The following GGT1 variants were observed in gnomAD, a reference collection of about 807,000 sequenced individuals.
GGT1 encodes the protein gamma-glutamyltransferase 1, also known as glutathione hydrolase 1 proenzyme.
GGT1 carries 21 observed loss-of-function variants against 56.0 expected under a neutral mutation model. The observed-to-expected ratio is 0.38, with a 90% CI of 0.27 to 0.54. The LOEUF (loss-of-function observed/expected upper bound fraction) is 0.54. GGT1 is among the 20% of genes least tolerant of loss of function. The probability of loss-of-function intolerance (pLI) is 0.82; values close to 1 mark genes in which losing one functional copy is unlikely to be tolerated. For synonymous variants in GGT1, 238 were observed against 342.6 expected (o/e 0.69, Z 3.37); for missense variants, 466 against 787.0 (o/e 0.59, Z 4.88).
rs1022879744 is a variant in GGT1 at position 24,610,493 on chromosome 22, C to G, written c.-46C>G. ...ATCCTCCTGTCTTTCGTGGCCAACA[C>G]CCCAGGCAAGGCTTGGGGCCCCCGT... On this transcript the variant is annotated 5_prime_UTR_variant, in exon 4 of 16. Coordinates refer to ENST00000400382, the MANE Select transcript of GGT1 (RefSeq NM_001288833.2). 39 of 165,362 alleles carry G rather than the reference C, an allele frequency of 2.4e-4. No individual in the cohort carries two copies. Among genetic ancestry groups the G allele is most frequent in the African/African-American group, 9.2e-4 (38 of 41,452 alleles). The allele number at this position is 165,362 out of a possible 1,614,324, so 10.2% of individuals were successfully genotyped here. A position where few individuals can be genotyped will look rare whatever the true frequency, so the allele number is the denominator to read the frequency against.
intron 4 of GGT1, among the ~76,000 whole-genome samples, 153 bp downstream of exon 4, chr22:24,610,684 C>T (rs1191990305): frequency 2.8e-5 from 4 of 144,146 alleles, no homozygotes; most frequent in Admixed American, 7.2e-5. Flanking sequence ...ACAGGAGAAA[C>T]CAGGCCAGGC....
chr22:24,623,795 G>A lies in GGT1; in HGVS notation c.899G>A (p.Arg300Gln), dbSNP rs764599344. The A allele has an allele frequency of 4.1e-5, 66 of 1,611,748 alleles. No individual in the cohort carries two copies. In the East Asian group the frequency reaches 1.2e-3, roughly 29 times the overall value. The change falls in exon 11 of 16, where the codon CGG (arginine) becomes CAG (glutamine). Residue 300 changes from arginine (R) to glutamine (Q), a missense_variant. Arg to Gln is a conservative substitution (Grantham distance 43). Around this residue, in one of 2 missense-constraint regions of GGT1, gnomAD observed 456 missense variants for 716.7 expected, o/e 0.64. Coordinates refer to ENST00000400382, the MANE Select transcript of GGT1 (RefSeq NM_001288833.2). ...GATCAACCAGGGTACAACTTCTCCC[G>A]GGAGAGCGTGGAGAGCCCCGAGCAG... ...LNILKGYNFS[R>Q]ESVESPEQKG...
intron 1 of GGT1, among the ~76,000 whole-genome samples, chr22:24,605,092 A>G (rs1298297919): frequency 4.9e-5 from 1 of 20,418 alleles, no homozygotes; most frequent in African/African-American, 9.3e-4. Flanking sequence ...AGTATATTAT[A>G]TAATATGTAT....
chr22:24,592,835 C>T (rs1242977360), upstream of GGT1: 3 of 1,276,098 alleles, frequency 2.4e-6, no homozygotes, highest in Non-Finnish European at 3.0e-6. Flanking sequence ...TGGCCGCCAG[C>T]CCAGGGGCGG....
At chr22:24,586,043 C>T in the GGT1 span, 700 of 1,611,354 alleles carry the variant, frequency 4.3e-4, 2 homozygotes, top group African/African-American at 7.8e-3. Flanking sequence ...CAGCCGCCGG[C>T]GCAGGCCGAC....
At position 24,614,907 on chromosome 22, in the gene GGT1, G is replaced by A. The variant is rs2330844; in HGVS notation, c.295+1G>A. On this transcript the variant is annotated splice_donor_variant, in intron 6 of 15. Coordinates refer to ENST00000400382, the MANE Select transcript of GGT1 (RefSeq NM_001288833.2). LOFTEE classifies it high-confidence loss of function. ...CTCACCATCTACAACAGCACCACAC[G>A]TGAGTGCCTCGGGAGAGGAGAGGGA... The A allele has an allele frequency of 8.1e-5, 131 of 1,612,966 alleles. No homozygotes were observed. The highest frequency in any genetic ancestry group is 4.0e-5 in the Non-Finnish European group (47 of 1,179,502).
chr22:24,621,507 T>G (rs1467927160), intron 9 of GGT1, among the ~76,000 whole-genome samples: 2 of 148,916 alleles, frequency 1.3e-5, no homozygotes, highest in African/African-American at 2.6e-5. Flanking sequence ...GAGAGAGGCA[T>G]GGGGAAGGGG....
Position 24,621,996 on chromosome 22 carries a change from G to A in GGT1, c.733+926G>A, listed in dbSNP as rs575104041. 7.3e-5 allele frequency among the ~76,000 whole-genome samples: 11 copies of A among 149,994 alleles called. No individual in the cohort carries two copies. The East Asian group carries it at 2.2e-3, about 30-fold the overall frequency. On this transcript the variant is annotated intron_variant, in intron 9 of 15. Coordinates refer to ENST00000400382, the MANE Select transcript of GGT1 (RefSeq NM_001288833.2). Reference sequence around the variant, plus strand: ...ACCTGGGGGGCTGAGGTTGCAGTGAGCCGAGATTGCACCACTGCACTCCAC... The same window carrying A: ...ACCTGGGGGGCTGAGGTTGCAGTGAACCGAGATTGCACCACTGCACTCCAC...
At position 24,620,164 on chromosome 22, in the gene GGT1, A is replaced by C. The variant is rs2047330691; in HGVS notation, c.383-164A>C. ...CCAGGAGTTCGAGATCGGGCTGGGC[A>C]AGATGGCAAGACCCCAACTCAAAAA... On this transcript the variant is annotated intron_variant, in intron 7 of 15. Coordinates refer to ENST00000400382, the MANE Select transcript of GGT1 (RefSeq NM_001288833.2). This position sits in a 1 kb window ranked among gnomAD's most constrained non-coding sequence, Gnocchi z 5.6. Among the ~76,000 whole-genome samples, 1 of 151,958 alleles carries C rather than the reference A, an allele frequency of 6.6e-6. No individual in the cohort carries two copies. The highest frequency in any genetic ancestry group is 1.5e-5 in the Non-Finnish European group (1 of 67,956).
intron 1 of GGT1, chr22:24,607,498 A>G (rs971255058): frequency 1.9e-4 from 29 of 153,124 alleles, no homozygotes; most frequent in South Asian, 3.9e-4. Context: ...TCCCCGGCTC[A>G]TAGCACCTGC....
the GGT1 span, chr22:24,586,458 C>G: frequency 6.4e-7 from 1 of 1,562,076 alleles, no homozygotes; most frequent in South Asian, 1.2e-5. Context: ...CCAGGCAGTC[C>G]CCCCACTGAC....
chr22:24,619,807 C>T (rs1425680301), intron 7 of GGT1, among the ~76,000 whole-genome samples: 1 of 150,822 alleles, frequency 6.6e-6, no homozygotes, highest in Admixed American at 6.6e-5. Flanking sequence ...CAGGATAAGG[C>T]CTTGTGGTCA....
chr22:24,599,123 A>T (rs2045741716), upstream of GGT1: 1 of 152,168 alleles, frequency 6.6e-6, no homozygotes, highest in Non-Finnish European at 1.5e-5. Context: ...AAAAACAGCT[A>T]GCCACCTGAC....
intron 1 of GGT1, among the ~76,000 whole-genome samples, chr22:24,605,938 A>T (rs1396300842): frequency 1.1e-5 from 1 of 89,834 alleles, no homozygotes; most frequent in South Asian, 2.8e-4. Context: ...TATTATATAT[A>T]ATATATAATA....
chr22:24,586,135 C>G, the GGT1 span: 438 of 1,613,342 alleles, frequency 2.7e-4, 4 homozygotes, highest in Admixed American at 7.2e-3. Flanking sequence ...TGGTGGTGTC[C>G]TTGATGGCAT....
Position 24,627,874 on chromosome 22 carries a change from C to G in GGT1, c.1231C>G (p.Pro411Ala), listed in dbSNP as rs776387934. The change falls in exon 13 of 16, where the codon CCG becomes GCG. Residue 411 changes from proline to alanine, a missense_variant. By Grantham distance (27) the Pro-to-Ala change is conservative (BLOSUM62 -1). This residue lies in a region of GGT1 where 456 missense variants were observed against 716.7 expected (regional missense o/e 0.64). Transcript: ENST00000400382. ...TAGCTTTGGCTCCAAGGTCCGCTCC[C>G]CGGTCAGCGGGATCCTGTTCAATAA... is the stretch of plus-strand genomic sequence containing the variant. ...NLYFGSKVRSPVSGILFNNEM... is the reference protein window; with the variant it reads ...NLYFGSKVRSAVSGILFNNEM... 33 of 1,613,746 alleles carry G rather than the reference C, an allele frequency of 2.0e-5. No homozygotes were observed. The highest frequency in any genetic ancestry group is 2.7e-5 in the Non-Finnish European group (32 of 1,179,814).
chr22:24,593,852 C>T (rs966082313), upstream of GGT1, among the ~76,000 whole-genome samples: 1 of 152,062 alleles, frequency 6.6e-6, no homozygotes, highest in Non-Finnish European at 1.5e-5. Context: ...GACCTGCTCA[C>T]GCTACATGGA....
At chr22:24,586,102 C>T in the GGT1 span, 3 of 1,612,822 alleles carry the variant, frequency 1.9e-6, no homozygotes, top group South Asian at 2.2e-5. Flanking sequence ...TGCCCAGGTC[C>T]ACCCAAGCCA....
chr22:24,591,474 G>A (rs2045565430), upstream of GGT1, among the ~76,000 whole-genome samples: 1 of 152,188 alleles, frequency 6.6e-6, no homozygotes, highest in African/African-American at 2.4e-5. Context: ...CAATCCATAG[G>A]TGATATGCTC....
Sources: allele counts gnomAD v4.1 joint callset (sites outside exome capture counted in the v4.1 genomes callset), GRCh38; gene constraint gnomAD v4.1.1; regional missense constraint gnomAD v4.1.1; non-coding constraint Gnocchi (gnomAD v3.1); transcripts MANE v1.5; gene names NCBI Gene and HGNC (gene_info 2026-07-23, HGNC 2026-07-21).